SMIM17: variants seen among roughly 807,000 people sequenced by gnomAD.
SMIM17 encodes the protein small integral membrane protein 17.
Under a neutral mutation model 12.2 loss-of-function variants are expected in SMIM17, and 10 were observed. The ratio of observed to expected loss-of-function variants is 0.82; its 90% CI spans 0.50 to 1.39. SMIM17 has a LOEUF of 1.39. SMIM17 is among the 40% of genes most tolerant of loss of function. SMIM17 has a pLI of 0.00. For missense variants in SMIM17, 136 were observed against 118.2 expected, an observed-to-expected ratio of 1.15 and a Z score of -0.70; for synonymous variants, 50 against 44.1, an observed-to-expected ratio of 1.13 and a Z score of -0.53.
intron 1 of SMIM17, among the ~76,000 whole-genome samples, chr19:56,643,483 T>C (rs950039144): frequency 2.2e-4 from 34 of 151,884 alleles, no homozygotes; most frequent in Middle Eastern, 6.4e-3. Context: ...GCAGGTGAAT[T>C]CCAGCCTCCT....
At chr19:56,645,198 AATGTGGATG>A in intron 1 of SMIM17, among the ~76,000 whole-genome samples, 1 of 120,680 alleles carries the variant, frequency 8.3e-6, no homozygotes, top group Non-Finnish European at 1.8e-5. Context: ...AGTGTGTGTG[AATGTGGATG>A]TGTGTGTGTT....
intron 1 of SMIM17, among the ~76,000 whole-genome samples, chr19:56,644,094 C>G (rs942357375): frequency 6.6e-6 from 1 of 152,060 alleles, no homozygotes; most frequent in South Asian, 2.1e-4. Context: ...CTGACCTTGA[C>G]CTGATGGCTG....
rs2045151616 is a variant in SMIM17 at position 56,656,271 on chromosome 19, CT to C, written c.*1060del. 6.6e-6 allele frequency among the ~76,000 whole-genome samples: 1 copy of C among 152,018 alleles called. No individual in the cohort carries two copies. The highest frequency in any genetic ancestry group is 2.4e-5 in the African/African-American group (1 of 41,400). ...GAGTTCTTTTATCCTCTAGAAAATTCTTCATTCCATAGAGCTTTTTCATATT... is the reference window on the plus strand; with the variant it reads ...GAGTTCTTTTATCCTCTAGAAAATTCTCATTCCATAGAGCTTTTTCATATT... On this transcript the variant is annotated 3_prime_UTR_variant, in exon 4 of 4. Coordinates refer to ENST00000598409, the MANE Select transcript of SMIM17 (RefSeq NM_001193628.2).
At chr19:56,650,198 C>A (rs535553344) in intron 3 of SMIM17, among the ~76,000 whole-genome samples, 1 of 152,110 alleles carries the variant, frequency 6.6e-6, no homozygotes, top group Non-Finnish European at 1.5e-5. Flanking sequence ...GACGGAATCT[C>A]GCTCTGTCAC....
At chr19:56,647,474 C>A in intron 2 of SMIM17, 84 bp from the exon 3 acceptor site, 2 of 926,100 alleles carry the variant, frequency 2.2e-6, no homozygotes, top group Admixed American at 2.6e-5. Context: ...AGAAAAGGGA[C>A]AAGATGCCAG....
chr19:56,650,780 A>G (rs557644522), intron 3 of SMIM17, among the ~76,000 whole-genome samples: 40 of 152,366 alleles, frequency 2.6e-4, no homozygotes, highest in Non-Finnish European at 4.3e-4. Flanking sequence ...CAACACGTGA[A>G]TTCTGATGTG....
At chr19:56,645,463 G>A (rs1243226580) in intron 1 of SMIM17, 105 bp from the exon 2 acceptor site, 4 of 437,832 alleles carry the variant, frequency 9.1e-6, no homozygotes, top group African/African-American at 4.1e-5. Flanking sequence ...CCCCAGGAGG[G>A]CAGGAATCTC....
At chr19:56,650,030 G>A (rs1253425602) in intron 3 of SMIM17, among the ~76,000 whole-genome samples, 1 of 152,124 alleles carries the variant, frequency 6.6e-6, no homozygotes, top group Non-Finnish European at 1.5e-5. Flanking sequence ...AAGGAAGGTG[G>A]GTTGGATGTG....
At chr19:56,650,213 C>T (rs2045098910) in intron 3 of SMIM17, among the ~76,000 whole-genome samples, 1 of 152,188 alleles carries the variant, frequency 6.6e-6, no homozygotes, top group South Asian at 2.1e-4. Context: ...TGTCACCAGG[C>T]TGGAGTGCAG....
At position 56,655,153 on chromosome 19, in the gene SMIM17, A is replaced by T. The variant is rs2045139926; in HGVS notation, c.297A>T (p.Val99=). ...KAPQQTTIVL[V]VCVLFLFLVL... is the part of the protein sequence containing the mutation. ...CACAACAAACAACCATAGTCTTGGT[A>T]GTGTGCGTGCTTTTTTTGTTCCTGG... The change falls in exon 4 of 4, where the codon GTA becomes GTT. Residue 99 remains valine (V), a synonymous_variant. Coordinates refer to ENST00000598409, the MANE Select transcript of SMIM17 (RefSeq NM_001193628.2). The T allele has an allele frequency of 1.4e-6, 1 of 702,566 alleles. No homozygotes were observed. The highest frequency in any genetic ancestry group is 1.7e-5 in the African/African-American group (1 of 57,234). 43.5% of individuals were successfully genotyped at this position (702,566 alleles called of 1,614,324 possible).
chr19:56,655,363 T>A lies in SMIM17; in HGVS notation c.*150T>A, dbSNP rs1165422006. The A allele has an allele frequency of 6.0e-6, 3 of 500,796 alleles. No individual in the cohort carries two copies. Among genetic ancestry groups the A allele is most frequent in the South Asian group, 3.7e-5 (1 of 26,704 alleles). 31.0% of individuals were successfully genotyped at this position (500,796 alleles called of 1,614,324 possible). Reference sequence around the variant, plus strand: ...ATCCTTTGAGATGATTTTTAAAAAATTTTTGGTGTGAGTTTTCACATACTT... The same window carrying A: ...ATCCTTTGAGATGATTTTTAAAAAAATTTTGGTGTGAGTTTTCACATACTT... On this transcript the variant is annotated 3_prime_UTR_variant, in exon 4 of 4. Transcript: ENST00000598409.
intron 3 of SMIM17, among the ~76,000 whole-genome samples, chr19:56,653,332 T>G (rs1016722482): frequency 6.6e-6 from 1 of 152,238 alleles, no homozygotes; most frequent in Non-Finnish European, 1.5e-5. Context: ...GGCAAAATTG[T>G]TATTCCTCCA....
Position 56,656,138 on chromosome 19 carries a change from G to T in SMIM17, c.*925G>T, listed in dbSNP as rs1185623623. ...TTTTTGTATTTTTAGTAGAGACGGG[G>T]TTTCACCGTGTTAGCCAGGATGGTC... On this transcript the variant is annotated 3_prime_UTR_variant, in exon 4 of 4. Coordinates refer to ENST00000598409, the MANE Select transcript of SMIM17 (RefSeq NM_001193628.2). 1.3e-5 allele frequency among the ~76,000 whole-genome samples: 2 copies of T among 151,732 alleles called. No individual in the cohort carries two copies. The highest frequency in any genetic ancestry group is 3.9e-4 in the East Asian group (2 of 5,182).
intron 2 of SMIM17, among the ~76,000 whole-genome samples, chr19:56,646,400 C>G (rs1482943525): frequency 2.0e-5 from 3 of 152,172 alleles, no homozygotes; most frequent in Non-Finnish European, 4.4e-5. Flanking sequence ...TACCCCACTT[C>G]TCCTCCCCGG....
At chr19:56,651,663 C>T (rs948974453) in intron 3 of SMIM17, among the ~76,000 whole-genome samples, 2 of 151,986 alleles carry the variant, frequency 1.3e-5, no homozygotes, top group Non-Finnish European at 1.5e-5. Context: ...TAGTGGTTAC[C>T]TTTGAGGTGG....
intron 3 of SMIM17, among the ~76,000 whole-genome samples, chr19:56,652,311 A>G (rs8105823): frequency 0.61 from 92,064 of 151,464 alleles, 28,566 homozygotes; most frequent in African/African-American, 0.74. Context: ...TAGAACTGAA[A>G]TCCAGTCTCC....
At chr19:56,648,256 C>A (rs2045082091) in intron 3 of SMIM17, among the ~76,000 whole-genome samples, 1 of 150,110 alleles carries the variant, frequency 6.7e-6, no homozygotes, top group Non-Finnish European at 1.5e-5. Context: ...TCCACCCACC[C>A]TCTCACCTTT....
At chr19:56,654,150 G>A (rs2045130517) in intron 3 of SMIM17, among the ~76,000 whole-genome samples, 1 of 152,192 alleles carries the variant, frequency 6.6e-6, no homozygotes, top group South Asian at 2.1e-4. Context: ...CAAAGCAAAG[G>A]TTTGCCCTCT....
rs72370552 is a variant in SMIM17, at chr19:56,647,420, TGAGAGAGAGA to T, written c.170-116_170-107del. ...GAGAGAGAGAGAGAGAGAAGGAGGGTGAGAGAGAGAGAGAGAGAGAGAGAGAGAGAGGAGG... is the reference window on the plus strand; with the variant it reads ...GAGAGAGAGAGAGAGAGAAGGAGGGTGAGAGAGAGAGAGAGAGAGAGGAGG... On this transcript the variant is annotated intron_variant, in intron 2 of 3. Coordinates refer to ENST00000598409, the MANE Select transcript of SMIM17 (RefSeq NM_001193628.2). 0.011 allele frequency: 5,866 copies of T among 548,176 alleles called. 208 individuals carry two copies. The African/African-American group carries it at 0.11, about 10-fold the overall frequency. The allele number at this position is 548,176 out of a possible 1,614,324, so 34.0% of individuals were successfully genotyped here.
Sources: gnomAD v4.1 joint callset for allele counts (sites outside exome capture counted in the v4.1 genomes callset) on GRCh38, gnomAD v4.1.1 for gene constraint, MANE v1.5 for transcripts, NCBI Gene and HGNC (gene_info 2026-07-23, HGNC 2026-07-21) for gene names.